HECW1: variants seen among roughly 807,000 people sequenced by gnomAD.
The protein encoded by HECW1 is E3 ubiquitin-protein ligase HECW1.
A neutral mutation model predicts 182.3 loss-of-function variants in HECW1; 61 were observed. The observed-to-expected ratio is 0.33, with a 90% CI of 0.27 to 0.41. The LOEUF (loss-of-function observed/expected upper bound fraction) is 0.41. Among genes scored for constraint, HECW1 ranks in the 10% least tolerant of loss-of-function variants. The probability of loss-of-function intolerance (pLI) is 1.00; values close to 1 mark genes in which losing one functional copy is unlikely to be tolerated. For missense variants in HECW1, 1,739 were observed against 2,108.9 expected (o/e 0.82, Z 3.44); for synonymous variants, 859 against 832.6 (o/e 1.03, Z -0.55).
intron 24 of HECW1, chr7:43,522,183 C>T (rs915483229): frequency 7.2e-5 from 11 of 152,184 alleles, no homozygotes; most frequent in Admixed American, 5.2e-4. Flanking sequence ...GTTATAGCCA[C>T]AGGAATGAAC....
At chr7:43,534,679 A>G (rs1431368273) in intron 24 of HECW1, among the ~76,000 whole-genome samples, 1 of 152,250 alleles carries the variant, frequency 6.6e-6, no homozygotes, top group Admixed American at 6.5e-5. Context: ...CCACTGGGAT[A>G]AAACCAGATG....
intron 2 of HECW1, among the ~76,000 whole-genome samples, chr7:43,124,829 AT>A (rs879380788): frequency 1.3e-5 from 2 of 151,964 alleles, no homozygotes; most frequent in Admixed American, 1.3e-4. Context: ...TAATTTTAAG[AT>A]TTTTTTTCTC....
At position 43,509,037 on chromosome 7, in the gene HECW1, A is replaced by G. The variant is rs750825064; in HGVS notation, c.3935A>G (p.Tyr1312Cys). The change falls in exon 24 of 30, where the codon TAT (tyrosine) becomes TGT (cysteine). Residue 1312 changes from tyrosine to cysteine, a missense_variant. By Grantham distance (194) the Tyr-to-Cys change is radical. Transcript: ENST00000395891. Reference protein sequence around the residue: ...LLSQELFNPYYGLFEYSANDT... With the variant: ...LLSQELFNPYCGLFEYSANDT... ...TCTCAGGAGCTCTTCAACCCTTACT[A>G]TGGACTCTTTGAGTACTCGGCAAAT... is the stretch of plus-strand genomic sequence containing the variant. 2 of 1,614,074 alleles carry G rather than the reference A, an allele frequency of 1.2e-6. No homozygotes were observed. Among genetic ancestry groups the G allele is most frequent in the South Asian group, 1.1e-5 (1 of 91,078 alleles).
intron 3 of HECW1, among the ~76,000 whole-genome samples, chr7:43,261,750 C>T (rs2152733552): frequency 6.6e-6 from 1 of 152,274 alleles, no homozygotes; most frequent in African/African-American, 2.4e-5. Flanking sequence ...TGAATTTTGG[C>T]CATATCAATC....
chr7:43,361,202 C>T (rs1392901584), intron 6 of HECW1, among the ~76,000 whole-genome samples: 1 of 152,146 alleles, frequency 6.6e-6, no homozygotes, highest in Admixed American at 6.5e-5. Context: ...TATTAAAGCT[C>T]ATGCTACACT....
intron 2 of HECW1, among the ~76,000 whole-genome samples, chr7:43,156,645 T>C (rs1165261313): frequency 6.6e-6 from 1 of 150,420 alleles, no homozygotes; most frequent in Non-Finnish European, 1.5e-5. Flanking sequence ...TCATGATTCA[T>C]TCCCAAAACC....
At chr7:43,387,624 TAGACAC>T (rs1176864648) in intron 6 of HECW1, among the ~76,000 whole-genome samples, 2 of 152,218 alleles carry the variant, frequency 1.3e-5, no homozygotes, top group Admixed American at 6.5e-5. Flanking sequence ...TCATAGGTGT[TAGACAC>T]AGACCAATGC....
intron 24 of HECW1, among the ~76,000 whole-genome samples, chr7:43,533,588 C>T (rs543873259): frequency 5.3e-5 from 8 of 152,058 alleles, no homozygotes; most frequent in South Asian, 4.2e-4. Context: ...GTGCTTGTTT[C>T]GACAGACGTT....
At chr7:43,530,116 ATT>A (rs35892407) in intron 24 of HECW1, among the ~76,000 whole-genome samples, 15 of 121,226 alleles carry the variant, frequency 1.2e-4, no homozygotes, top group African/African-American at 1.9e-4. Flanking sequence ...TGCTTGGCTA[ATT>A]TTTTTTTTTT....
chr7:43,348,856 C>T (rs956676001), intron 5 of HECW1, among the ~76,000 whole-genome samples: 2 of 152,118 alleles, frequency 1.3e-5, no homozygotes, highest in Non-Finnish European at 2.9e-5. Flanking sequence ...AGTTTCATTA[C>T]ACTGTGGTCT....
chr7:43,397,794 A>G (rs890387595), intron 7 of HECW1, among the ~76,000 whole-genome samples: 1 of 152,210 alleles, frequency 6.6e-6, no homozygotes, highest in Admixed American at 6.5e-5. Context: ...CAGTTGCTTC[A>G]GGTCATCTGG....
rs1252814688 is a variant in HECW1 at position 43,201,119 on chromosome 7, T to C, written c.-31-42756T>C. Reference sequence around the variant, plus strand: ...CGTGGACAAAAAGTAACAGACTTGCTCTAGGCTGGACTCAAATCCATCACA... The same window carrying C: ...CGTGGACAAAAAGTAACAGACTTGCCCTAGGCTGGACTCAAATCCATCACA... On this transcript the variant is annotated intron_variant, in intron 2 of 29. Coordinates refer to ENST00000395891, the MANE Select transcript of HECW1 (RefSeq NM_015052.5). Among the ~76,000 whole-genome samples, 3 of 152,310 alleles carry C rather than the reference T, an allele frequency of 2.0e-5. No homozygotes were observed. In the East Asian group the frequency reaches 5.8e-4, roughly 29 times the overall value.
intron 3 of HECW1, among the ~76,000 whole-genome samples, chr7:43,254,927 G>A (rs1800406537): frequency 6.6e-6 from 1 of 152,174 alleles, no homozygotes; most frequent in Non-Finnish European, 1.5e-5. Context: ...TGCCATCTTG[G>A]TTTGCTCCCC....
intron 5 of HECW1, among the ~76,000 whole-genome samples, chr7:43,347,944 C>T (rs962797286): frequency 3.3e-5 from 5 of 152,276 alleles, no homozygotes; most frequent in Middle Eastern, 3.4e-3. Context: ...AAGATTTTAG[C>T]ATCTATGTTC....
rs750881356 is a variant in HECW1 at position 43,360,979 on chromosome 7, C to T, written c.554C>T (p.Pro185Leu). Residue 185 changes from proline (P) to leucine (L), a missense_variant and splice_region_variant, in exon 6 of 30, where the codon CCT (proline) becomes CTT (leucine). Transcript: ENST00000395891. ...GTCACGGTCAAAAACTCGGCAGCTCCTGTAAGTCTCATTTCTCCGTCTTTG... is the reference window on the plus strand; with the variant it reads ...GTCACGGTCAAAAACTCGGCAGCTCTTGTAAGTCTCATTTCTCCGTCTTTG... ...PSVTVKNSAA[P>L]IFKSIGADET... 2 of 1,604,926 alleles carry T rather than the reference C, an allele frequency of 1.2e-6. No individual in the cohort carries two copies. The highest frequency in any genetic ancestry group is 1.7e-6 in the Non-Finnish European group (2 of 1,175,018).
At chr7:43,355,272 C>T (rs774096824) in intron 5 of HECW1, among the ~76,000 whole-genome samples, 17 of 152,136 alleles carry the variant, frequency 1.1e-4, no homozygotes, top group Non-Finnish European at 2.1e-4. Flanking sequence ...AGTACGCAGA[C>T]AAACCCAGGA....
intron 2 of HECW1, among the ~76,000 whole-genome samples, chr7:43,137,645 G>A (rs1469493807): frequency 2.0e-5 from 3 of 151,906 alleles, no homozygotes; most frequent in Non-Finnish European, 4.4e-5. Flanking sequence ...CACCTCCTGG[G>A]CTCAGGTGAT....
intron 6 of HECW1, among the ~76,000 whole-genome samples, chr7:43,396,302 TAA>T (rs2075229072): frequency 6.6e-6 from 1 of 152,200 alleles, no homozygotes; most frequent in Admixed American, 6.5e-5. Flanking sequence ...ATTGATTAAT[TAA>T]GAGAGACCTC....
intron 5 of HECW1, among the ~76,000 whole-genome samples, chr7:43,351,396 G>A (rs1468989748): frequency 6.6e-6 from 1 of 152,176 alleles, no homozygotes. Flanking sequence ...AGTATGCAGA[G>A]GGACCAGTGG....
Sources: gnomAD v4.1 joint callset for allele counts (sites outside exome capture counted in the v4.1 genomes callset) on GRCh38, gnomAD v4.1.1 for gene constraint, MANE v1.5 for transcripts, NCBI Gene and HGNC (gene_info 2026-07-23, HGNC 2026-07-21) for gene names.